Variants in SIL1 observed in about 807,000 individuals in gnomAD.
SIL1 encodes the protein nucleotide exchange factor SIL1.
SIL1 carries 40 observed loss-of-function variants against 49.1 expected under a neutral mutation model. The observed-to-expected ratio is 0.81, with a 90% CI of 0.63 to 1.06. The LOEUF is 1.06. Ranked by LOEUF, SIL1 falls within the 50% of genes least tolerant of loss-of-function variation. The pLI is 0.00. For missense variants in SIL1, 500 were observed against 572.6 expected (o/e 0.87, Z 1.29); for synonymous variants, 253 against 250.8 (o/e 1.01, Z -0.08).
chr5:139,148,631 C>T (rs1244277369), intron 1 of SIL1, among the ~76,000 whole-genome samples: 4 of 152,214 alleles, frequency 2.6e-5, no homozygotes, highest in African/African-American at 7.2e-5. Flanking sequence ...GGGCAGCAGA[C>T]GCTCTGAACC....
At chr5:139,191,221 CAAAAAAAAAAAAA>C (rs773259762) in intron 1 of SIL1, among the ~76,000 whole-genome samples, 2 of 67,900 alleles carry the variant, frequency 2.9e-5, no homozygotes, top group South Asian at 6.1e-4. Context: ...GACTCTGTCT[CAAAAAAAAAAAAA>C]AAAAAAAAAA....
At chr5:139,040,487 T>TTTTTTTTTTTTG (rs1769018701) in intron 5 of SIL1, among the ~76,000 whole-genome samples, 1 of 109,052 alleles carries the variant, frequency 9.2e-6, no homozygotes, top group Non-Finnish European at 1.7e-5. Flanking sequence ...ATTTTTTCTT[T>TTTTTTTTTTTTG]TTTCTTTTTT....
At chr5:139,093,711 G>A (rs1209797447) in intron 3 of SIL1, 6 of 152,192 alleles carry the variant, frequency 3.9e-5, no homozygotes, top group Admixed American at 3.3e-4. Flanking sequence ...ATCACATGAT[G>A]TCAGGCTCTA....
chr5:139,113,305 T>TA (rs992949204), intron 3 of SIL1, among the ~76,000 whole-genome samples: 1 of 146,602 alleles, frequency 6.8e-6, no homozygotes, highest in South Asian at 2.2e-4. Context: ...AAAAATAAAA[T>TA]AAAAAATAAA....
intron 7 of SIL1, among the ~76,000 whole-genome samples, chr5:138,981,963 G>T (rs1767537902): frequency 6.6e-6 from 1 of 152,130 alleles, no homozygotes; most frequent in Non-Finnish European, 1.5e-5. Context: ...CACTAGGCAA[G>T]TACTTAACCT....
intron 7 of SIL1, among the ~76,000 whole-genome samples, chr5:139,018,783 T>G: frequency 6.6e-6 from 1 of 152,180 alleles, no homozygotes; most frequent in East Asian, 1.9e-4. Flanking sequence ...ATCTTGTCAC[T>G]GACAGGTGCT....
At chr5:138,980,460 C>A (rs1050362759) in intron 7 of SIL1, among the ~76,000 whole-genome samples, 1 of 152,086 alleles carries the variant, frequency 6.6e-6, no homozygotes, top group Non-Finnish European at 1.5e-5. Flanking sequence ...ACCTAAGAGA[C>A]AAGCAGGGGT....
chr5:139,044,084 C>A (rs966079085), intron 4 of SIL1, among the ~76,000 whole-genome samples: 9 of 152,166 alleles, frequency 5.9e-5, no homozygotes, highest in African/African-American at 1.9e-4. Context: ...CTTCTCTAAA[C>A]CTCAGTCCTC....
intron 3 of SIL1, among the ~76,000 whole-genome samples, chr5:139,077,486 T>G (rs1561853274): frequency 6.6e-6 from 1 of 152,226 alleles, no homozygotes; most frequent in Non-Finnish European, 1.5e-5. Flanking sequence ...CTCCCTAAAC[T>G]GTTGTTTTAC....
At chr5:139,170,843 C>A (rs1221916859) in intron 1 of SIL1, among the ~76,000 whole-genome samples, 2 of 151,202 alleles carry the variant, frequency 1.3e-5, no homozygotes, top group African/African-American at 4.8e-5. Context: ...GCCCCCCGCC[C>A]GGCCAGCCGC....
At chr5:139,148,362 T>C (rs1284432082) in intron 1 of SIL1, among the ~76,000 whole-genome samples, 1 of 152,090 alleles carries the variant, frequency 6.6e-6, no homozygotes, top group Non-Finnish European at 1.5e-5. Context: ...GGCTGGAACT[T>C]GCAAAGGGAC....
At chr5:139,104,864 G>C (rs566459763) in intron 3 of SIL1, among the ~76,000 whole-genome samples, 4 of 152,120 alleles carry the variant, frequency 2.6e-5, no homozygotes, top group Non-Finnish European at 5.9e-5. Flanking sequence ...TCTTCCTAAG[G>C]GTCTCTCTGT....
intron 3 of SIL1, among the ~76,000 whole-genome samples, chr5:139,055,580 A>T (rs1769386498): frequency 6.7e-6 from 1 of 149,744 alleles, no homozygotes; most frequent in Non-Finnish European, 1.5e-5. Context: ...CATGAAAAGA[A>T]CATCACTGAC....
Position 139,143,340 on chromosome 5 carries a change from C to CATATATATATAT in SIL1, c.-10-15488_-10-15487insATATATATATAT, listed in dbSNP as rs1398396877. 2.9e-3 allele frequency among the ~76,000 whole-genome samples: 247 copies of CATATATATATAT among 85,022 alleles called. 1 individual carries two copies. Among genetic ancestry groups the CATATATATATAT allele is most frequent in the South Asian group, 4.2e-3 (15 of 3,554 alleles). The allele number at this position is 85,022 out of a possible 152,430, so 55.8% of individuals were successfully genotyped here. A position where few individuals can be genotyped will look rare whatever the true frequency, so the allele number is the denominator to read the frequency against. ...ACACACACACACACACACACACACA[C>CATATATATATAT]ACACATATATATATATATATATATA... is the stretch of plus-strand genomic sequence containing the variant. On this transcript the variant is annotated intron_variant, in intron 1 of 9. Transcript: ENST00000394817.
At chr5:139,196,716 TGAAA>T (rs1005152196) in intron 1 of SIL1, among the ~76,000 whole-genome samples, 6 of 151,986 alleles carry the variant, frequency 3.9e-5, no homozygotes, top group South Asian at 2.1e-4. Context: ...ACTAAACAAA[TGAAA>T]GAAAGGGGAA....
At chr5:139,010,230 T>C (rs1338204264) in intron 7 of SIL1, among the ~76,000 whole-genome samples, 6 of 149,748 alleles carry the variant, frequency 4.0e-5, no homozygotes, top group African/African-American at 1.5e-4. Context: ...CCATTACTGA[T>C]ACCCTTTCTT....
intron 7 of SIL1, among the ~76,000 whole-genome samples, chr5:139,007,014 G>T (rs1457614808): frequency 2.3e-5 from 3 of 131,470 alleles, no homozygotes; most frequent in South Asian, 2.6e-4. Context: ...TTGGTAGCTT[G>T]ATGGGGATGG....
chr5:139,171,605 T>C (rs961071591), intron 1 of SIL1, among the ~76,000 whole-genome samples: 2 of 151,808 alleles, frequency 1.3e-5, no homozygotes, highest in African/African-American at 2.4e-5. Flanking sequence ...CCAGAGACCT[T>C]TGTTCACTTG....
At chr5:139,191,390 C>T (rs1369635904) in intron 1 of SIL1, among the ~76,000 whole-genome samples, 2 of 152,180 alleles carry the variant, frequency 1.3e-5, no homozygotes, top group East Asian at 3.9e-4. Context: ...GGGCTGAAGC[C>T]TGCTAGTTTT....
Sources: gnomAD v4.1 joint callset for allele counts (sites outside exome capture counted in the v4.1 genomes callset) on GRCh38, gnomAD v4.1.1 for gene constraint, MANE v1.5 for transcripts, NCBI Gene and HGNC (gene_info 2026-07-23, HGNC 2026-07-21) for gene names.